The following TSHZ3 variants were observed in gnomAD, a reference collection of about 807,000 sequenced individuals.
TSHZ3 encodes the protein teashirt homolog 3.
A neutral mutation model predicts 64.5 loss-of-function variants in TSHZ3; 10 were observed. That is an observed-to-expected ratio of 0.16 (90% confidence interval 0.10 to 0.26). TSHZ3 has a LOEUF of 0.26. Ranked by LOEUF, TSHZ3 falls within the 10% of genes least tolerant of loss-of-function variation. The probability of loss-of-function intolerance (pLI) is 1.00; values close to 1 mark genes in which losing one functional copy is unlikely to be tolerated. For synonymous variants in TSHZ3, 608 were observed against 593.1 expected, an observed-to-expected ratio of 1.03 and a Z score of -0.36; for missense variants, 1,242 against 1,421.7, an observed-to-expected ratio of 0.87 and a Z score of 2.03.
chr19:31,165,152 G>A (rs894899372), intron 5 of TSHZ3, among the ~76,000 whole-genome samples: 17 of 152,328 alleles, frequency 1.1e-4, no homozygotes, highest in African/African-American at 3.6e-4. Flanking sequence ...GTGCAGCCCT[G>A]CCCCGGTCAC....
chr19:31,208,543 C>A (rs139920983), intron 4 of TSHZ3, among the ~76,000 whole-genome samples: 52 of 152,280 alleles, frequency 3.4e-4, no homozygotes, highest in African/African-American at 1.3e-3. Context: ...ATCACATATC[C>A]ACTGTACACT....
rs376822944 is a variant in TSHZ3 at position 31,277,519 on chromosome 19, C to T, written c.2274G>A (p.Ala758=). 17 of 1,604,286 alleles carry T rather than the reference C, an allele frequency of 1.1e-5. No individual in the cohort carries two copies. The highest frequency in any genetic ancestry group is 9.4e-5 in the African/African-American group (7 of 74,682). ...SMLFKMSNSL[A]EKAAVATPPP... ...GCGGGGTGGCCACAGCAGCCTTCTCCGCCAGGCTGTTGCTCATCTTGAAAA... is the reference window on the plus strand; with the variant it reads ...GCGGGGTGGCCACAGCAGCCTTCTCTGCCAGGCTGTTGCTCATCTTGAAAA... The change falls in exon 2 of 2, where the codon GCG becomes GCA. Residue 758 remains alanine (A), a synonymous_variant. Coordinates refer to ENST00000240587, the MANE Select transcript of TSHZ3 (RefSeq NM_020856.4). The surrounding 1 kb of genome is among the most constrained non-coding windows in gnomAD (Gnocchi z 4.5).
At chr19:31,241,369 T>C (rs545252954) in intron 3 of TSHZ3, among the ~76,000 whole-genome samples, 1 of 152,204 alleles carries the variant, frequency 6.6e-6, no homozygotes, top group East Asian at 1.9e-4. Context: ...TTCTGTTGTC[T>C]TGAAAGATGC....
intron 3 of TSHZ3, among the ~76,000 whole-genome samples, chr19:31,240,792 C>T (rs924190302): frequency 6.6e-6 from 1 of 151,912 alleles, no homozygotes; most frequent in African/African-American, 2.4e-5. Context: ...TTATAATCTT[C>T]TGTTAGGTTC....
chr19:31,251,675 T>G (rs1280328513), intron 1 of TSHZ3, among the ~76,000 whole-genome samples: 2 of 152,176 alleles, frequency 1.3e-5, no homozygotes, highest in African/African-American at 4.8e-5. Context: ...GGGCACTTCT[T>G]TGGCCACCTA....
At chr19:31,263,098 C>T (rs1313878527) in intron 1 of TSHZ3, among the ~76,000 whole-genome samples, 1 of 152,112 alleles carries the variant, frequency 6.6e-6, no homozygotes, top group African/African-American at 2.4e-5. Flanking sequence ...CAGACAGCAT[C>T]GTGAAGGGTG....
chr19:31,171,991 T>G (rs1974541747), intron 5 of TSHZ3, among the ~76,000 whole-genome samples: 1 of 152,208 alleles, frequency 6.6e-6, no homozygotes, highest in African/African-American at 2.4e-5. Flanking sequence ...CTTATAGGTC[T>G]GTTTTAATGG....
In TSHZ3 at chr19:31,276,975, C is replaced by T. The variant is rs769460173; in HGVS notation, c.2818G>A (p.Gly940Arg). The change falls in exon 2 of 2, where the codon GGG (glycine) becomes AGG (arginine). Residue 940 changes from glycine to arginine, a missense_variant. Gly to Arg is a moderately radical substitution (Grantham distance 125). Coordinates refer to ENST00000240587, the MANE Select transcript of TSHZ3 (RefSeq NM_020856.4). ...QERMHISRFT[G>R]LSMTTISHWL... ...TGGCTGATGGTGGTCATGGACAGCC[C>T]GGTGAACCTGGAGATATGCATCCGC... The T allele has an allele frequency of 1.1e-5, 18 of 1,613,740 alleles. No homozygotes were observed. Among genetic ancestry groups the T allele is most frequent in the South Asian group, 3.3e-5 (3 of 91,058 alleles).
chr19:31,278,493 T>A lies in TSHZ3; in HGVS notation c.1300A>T (p.Ile434Phe). 1.9e-6 allele frequency: 3 copies of A among 1,614,064 alleles called. No homozygotes were observed. Among genetic ancestry groups the A allele is most frequent in the Non-Finnish European group, 2.5e-6 (3 of 1,180,014 alleles). ...PIVETPVTPTITTLLDEKVQS... is the reference protein window; with the variant it reads ...PIVETPVTPTFTTLLDEKVQS... Reference sequence around the variant, plus strand: ...ACCTTCTCATCCAGCAGGGTTGTGATGGTAGGTGTGACAGGCGTCTCCACA... The same window carrying A: ...ACCTTCTCATCCAGCAGGGTTGTGAAGGTAGGTGTGACAGGCGTCTCCACA... The change falls in exon 2 of 2, where the codon ATC (isoleucine) becomes TTC (phenylalanine). Residue 434 changes from isoleucine to phenylalanine, a missense_variant. Physicochemically the swap from Ile to Phe is conservative, Grantham distance 21 (BLOSUM62 0). This residue lies in a region of TSHZ3 where 555 missense variants were observed against 704.0 expected (regional missense o/e 0.79). Coordinates refer to ENST00000240587, the MANE Select transcript of TSHZ3 (RefSeq NM_020856.4). This position sits in a 1 kb window ranked among gnomAD's most constrained non-coding sequence, Gnocchi z 4.7.
chr19:31,348,971 C>T (rs1259217693), intron 1 of TSHZ3: 4 of 579,632 alleles, frequency 6.9e-6, no homozygotes, highest in Non-Finnish European at 1.1e-5. Flanking sequence ...CAAATGGGTG[C>T]GAGAGGGAAG....
At chr19:31,302,305 T>C (rs1428820231) in intron 1 of TSHZ3, among the ~76,000 whole-genome samples, 1 of 152,156 alleles carries the variant, frequency 6.6e-6, no homozygotes, top group Non-Finnish European at 1.5e-5. Context: ...CCACAGACTC[T>C]GCCCATGTCC....
Position 31,279,824 on chromosome 19 carries a change from G to GA in TSHZ3, c.41-73dup, listed in dbSNP as rs553167929. ...AGAGAGACAGGGAGAAGGAGAGAAA[G>GA]AAAAAAAAAAGCATTAGTACTTGTT... On this transcript the variant is annotated intron_variant, in intron 1 of 1. Coordinates refer to ENST00000240587, the MANE Select transcript of TSHZ3 (RefSeq NM_020856.4). The surrounding 1 kb of genome is among the most constrained non-coding windows in gnomAD (Gnocchi z 6.4). The GA allele has an allele frequency of 6.0e-3, 7,222 of 1,209,844 alleles. No homozygotes were observed. The highest frequency in any genetic ancestry group is 8.4e-3 in the South Asian group (400 of 47,338). The allele number at this position is 1,209,844 out of a possible 1,614,324, so 74.9% of individuals were successfully genotyped here.
At chr19:31,213,356 CAAAAAAAAAAAAAAAAAAAA>C (rs35192337) in intron 4 of TSHZ3, among the ~76,000 whole-genome samples, 12 of 23,286 alleles carry the variant, frequency 5.2e-4, no homozygotes, top group Non-Finnish European at 4.5e-4. Context: ...GACTCTGTCT[CAAAAAAAAAAAAAAAAAAAA>C]AAAAAAAAAA....
intron 3 of TSHZ3, among the ~76,000 whole-genome samples, chr19:31,231,471 C>T (rs1190096238): frequency 1.3e-5 from 2 of 152,160 alleles, no homozygotes; most frequent in Non-Finnish European, 2.9e-5. Context: ...TAGCCTGACT[C>T]CACTGTGAAA....
intron 4 of TSHZ3, among the ~76,000 whole-genome samples, chr19:31,218,423 A>G (rs1975359277): frequency 6.6e-6 from 1 of 152,216 alleles, no homozygotes; most frequent in African/African-American, 2.4e-5. Context: ...AAGGATGTGG[A>G]GTAACAGGAA....
chr19:31,153,843 A>G (rs1974270067), intron 6 of TSHZ3, among the ~76,000 whole-genome samples: 1 of 152,252 alleles, frequency 6.6e-6, no homozygotes, highest in East Asian at 1.9e-4. Flanking sequence ...CATTTAATAA[A>G]GAGATTACAA....
chr19:31,272,122 T>G (rs1976150878), downstream of TSHZ3, among the ~76,000 whole-genome samples: 1 of 152,226 alleles, frequency 6.6e-6, no homozygotes, highest in African/African-American at 2.4e-5. Flanking sequence ...ATGATAGTTT[T>G]CATCCCGGAC....
At chr19:31,250,553 C>T (rs912919112) in intron 1 of TSHZ3, among the ~76,000 whole-genome samples, 1 of 152,208 alleles carries the variant, frequency 6.6e-6, no homozygotes, top group African/African-American at 2.4e-5. Context: ...ATGCTTAGCA[C>T]AGTGCATTGT....
At chr19:31,301,275 G>A (rs1467350344) in intron 1 of TSHZ3, among the ~76,000 whole-genome samples, 1 of 151,962 alleles carries the variant, frequency 6.6e-6, no homozygotes, top group African/African-American at 2.4e-5. Flanking sequence ...AGATGACAGG[G>A]CCCTCTCTCA....
Sources: gnomAD v4.1 joint callset for allele counts (sites outside exome capture counted in the v4.1 genomes callset) on GRCh38, gnomAD v4.1.1 for gene constraint, gnomAD v4.1.1 regional missense constraint, Gnocchi (gnomAD v3.1) non-coding constraint, MANE v1.5 for transcripts, NCBI Gene and HGNC (gene_info 2026-07-23, HGNC 2026-07-21) for gene names.